Variants in CRTC1 observed in about 807,000 individuals in gnomAD.
CRTC1 encodes the protein CREB regulated transcription coactivator 1.
Under a neutral mutation model 66.1 loss-of-function variants are expected in CRTC1, and 18 were observed. The observed-to-expected ratio is 0.27, with a 90% confidence interval of 0.19 to 0.40. CRTC1 has a LOEUF of 0.40. Among genes scored for constraint, CRTC1 ranks in the 10% least tolerant of loss-of-function variants. CRTC1 has a pLI of 1.00. For synonymous variants in CRTC1, 416 were observed against 398.8 expected (o/e 1.04, Z -0.51); for missense variants, 669 against 887.9 (o/e 0.75, Z 3.13).
At chr19:18,690,894 T>C (rs1012521152) in intron 1 of CRTC1, among the ~76,000 whole-genome samples, 2 of 151,892 alleles carry the variant, frequency 1.3e-5, no homozygotes, top group South Asian at 2.1e-4. Context: ...GGCGTGGTGG[T>C]GAGCGCCTGT....
Position 18,780,158 on chromosome 19 carries a change from A to C in CRTC1, c.*2776A>C. On this transcript the variant is annotated 3_prime_UTR_variant, in exon 14 of 14. Coordinates refer to ENST00000321949, the MANE Select transcript of CRTC1 (RefSeq NM_015321.3). Reference sequence around the variant, plus strand: ...CACGTGGGGAGGTTGCGCCGTGTACATAGACCCGCCGTCTGTGTCCTTGGT... The same window carrying C: ...CACGTGGGGAGGTTGCGCCGTGTACCTAGACCCGCCGTCTGTGTCCTTGGT... 8.6e-6 allele frequency: 2 copies of C among 231,948 alleles called. No individual in the cohort carries two copies. Among genetic ancestry groups the C allele is most frequent in the Non-Finnish European group, 1.7e-5 (2 of 117,274 alleles). 14.4% of individuals were successfully genotyped at this position (231,948 alleles called of 1,614,324 possible).
chr19:18,737,138 G>A (rs977754261), intron 1 of CRTC1, among the ~76,000 whole-genome samples: 1 of 152,070 alleles, frequency 6.6e-6, no homozygotes, highest in South Asian at 2.1e-4. Flanking sequence ...GAGTGTGGAC[G>A]TGGGCACAGA....
rs984265052 is a variant in CRTC1 at position 18,760,778 on chromosome 19, C to A, written c.886+550C>A. 6.6e-6 allele frequency among the ~76,000 whole-genome samples: 1 copy of A among 151,180 alleles called. No individual in the cohort carries two copies. Among genetic ancestry groups the A allele is most frequent in the African/African-American group, 2.5e-5 (1 of 40,536 alleles). Reference sequence around the variant, plus strand: ...TGCTGCCGCCCTGCTCCCCCGGGACCCCCCTCCTGTGGCTGCACTGATTGC... The same window carrying A: ...TGCTGCCGCCCTGCTCCCCCGGGACACCCCTCCTGTGGCTGCACTGATTGC... On this transcript the variant is annotated intron_variant, in intron 8 of 13. Transcript: ENST00000321949. This position sits in a 1 kb window ranked among gnomAD's most constrained non-coding sequence, Gnocchi z 6.2.
chr19:18,768,503 C>G lies in CRTC1; in HGVS notation c.1030C>G (p.Leu344Val). 6.2e-7 allele frequency: 1 copy of G among 1,609,862 alleles called. No homozygotes were observed. The highest frequency in any genetic ancestry group is 8.5e-7 in the Non-Finnish European group (1 of 1,179,316). ...PITQAVAMDALSLEQQLPYAF... is the reference protein window; with the variant it reads ...PITQAVAMDAVSLEQQLPYAF... ...CCTGCAGGCTGTAGCCATGGACGCC[C>G]TGTCTCTGGAGCAGCAGCTGCCCTA... Residue 344 changes from leucine to valine, a missense_variant, in exon 10 of 14, where the codon CTG becomes GTG. Physicochemically the swap from Leu to Val is conservative, Grantham distance 32 (BLOSUM62 1). Transcript: ENST00000321949. This position sits in a 1 kb window ranked among gnomAD's most constrained non-coding sequence, Gnocchi z 5.6.
At chr19:18,744,018 C>A in intron 2 of CRTC1, 1 of 1,414,064 alleles carries the variant, frequency 7.1e-7, no homozygotes, top group Non-Finnish European at 9.9e-7. Flanking sequence ...TCGCCCGAGG[C>A]CCACAGCCCG....
intron 3 of CRTC1, 52 bp downstream of exon 3, chr19:18,746,012 G>A (rs768337921): frequency 1.9e-6 from 3 of 1,555,152 alleles, no homozygotes; most frequent in Non-Finnish European, 2.6e-6. Flanking sequence ...GTCGGTGCCG[G>A]CAGGACCCCA....
At chr19:18,688,074 G>A (rs996677549) in intron 1 of CRTC1, among the ~76,000 whole-genome samples, 4 of 152,108 alleles carry the variant, frequency 2.6e-5, no homozygotes, top group Admixed American at 6.6e-5. Flanking sequence ...GGGGTGCTGG[G>A]GCTCCTGCAG....
intron 1 of CRTC1, among the ~76,000 whole-genome samples, chr19:18,693,882 C>T (rs957626926): frequency 6.6e-6 from 1 of 151,916 alleles, no homozygotes; most frequent in African/African-American, 2.4e-5. Flanking sequence ...ACCTGTCATC[C>T]CAGAGCTTTG....
At chr19:18,733,851 C>T (rs975424800) in intron 1 of CRTC1, among the ~76,000 whole-genome samples, 3 of 152,202 alleles carry the variant, frequency 2.0e-5, no homozygotes, top group African/African-American at 7.2e-5. Context: ...CGCGGTGGCT[C>T]CTGCCTGTAA....
Position 18,777,067 on chromosome 19 carries a change from C to T in CRTC1, c.1694-104C>T. The T allele has an allele frequency of 2.9e-6, 2 of 690,522 alleles. No homozygotes were observed. The allele number at this position is 690,522 out of a possible 1,614,324, so 42.8% of individuals were successfully genotyped here. ...AATGTCCCCAGACATTGCCAGCATA[C>T]CCAGGGGACAGAGTCGCCCGGCGGG... On this transcript the variant is annotated intron_variant, in intron 13 of 13. Transcript: ENST00000321949. This position sits in a 1 kb window ranked among gnomAD's most constrained non-coding sequence, Gnocchi z 5.5.
chr19:18,737,794 C>T (rs1422464232), intron 1 of CRTC1, among the ~76,000 whole-genome samples: 4 of 139,460 alleles, frequency 2.9e-5, no homozygotes, highest in South Asian at 2.3e-4. Flanking sequence ...GCCAGCTCTA[C>T]GTGAAGGACG....
chr19:18,709,817 C>T (rs542448525), intron 1 of CRTC1, among the ~76,000 whole-genome samples: 2 of 152,282 alleles, frequency 1.3e-5, no homozygotes, highest in South Asian at 2.1e-4. Context: ...GCCTGGCGTT[C>T]CCTGCCGTGG....
chr19:18,772,713 C>T (rs1460354132), intron 11 of CRTC1, among the ~76,000 whole-genome samples: 1 of 152,170 alleles, frequency 6.6e-6, no homozygotes, highest in Non-Finnish European at 1.5e-5. Context: ...TGCCTGTAGC[C>T]CCGTGTTCTG....
At chr19:18,706,881 G>T (rs886520634) in intron 1 of CRTC1, among the ~76,000 whole-genome samples, 1 of 151,980 alleles carries the variant, frequency 6.6e-6, no homozygotes, top group African/African-American at 2.4e-5. Context: ...AAATTGGGTT[G>T]TTTTTCTTTT....
rs187840759 is a variant in CRTC1 at position 18,737,561 on chromosome 19, G to A, written c.127-5349G>A. ...ACCCTCAAAAGCCCTGTAGAGGGGT[G>A]AATCATGTCCCACAAAAAGATACGT... On this transcript the variant is annotated intron_variant, in intron 1 of 13. Transcript: ENST00000321949. Among the ~76,000 whole-genome samples the A allele has an allele frequency of 6.6e-5, 10 of 152,278 alleles. No homozygotes were observed. The East Asian group carries it at 1.9e-3, about 29-fold the overall frequency.
intron 1 of CRTC1, among the ~76,000 whole-genome samples, chr19:18,708,811 C>T (rs539112504): frequency 2.0e-5 from 3 of 152,304 alleles, no homozygotes; most frequent in African/African-American, 7.2e-5. Context: ...CCCAGCTGAG[C>T]GGTGCCCAGA....
intron 1 of CRTC1, among the ~76,000 whole-genome samples, chr19:18,724,188 G>A (rs1011190419): frequency 1.3e-5 from 2 of 152,280 alleles, no homozygotes; most frequent in African/African-American, 4.8e-5. Flanking sequence ...TCTGCAGATG[G>A]TGAGGCCCCA....
At position 18,768,204 on chromosome 19, in the gene CRTC1, T is replaced by C. The variant is rs1439484771; in HGVS notation, c.1012-281T>C. ...CATCCTGGGCTTGCCCTGCAGCTGG[T>C]GGACTGGCCTGAGCTGCACGGCATG... is the stretch of plus-strand genomic sequence containing the variant. On this transcript the variant is annotated intron_variant, in intron 9 of 13. Coordinates refer to ENST00000321949, the MANE Select transcript of CRTC1 (RefSeq NM_015321.3). The surrounding 1 kb of genome is among the most constrained non-coding windows in gnomAD (Gnocchi z 5.6). Among the ~76,000 whole-genome samples the C allele has an allele frequency of 6.6e-6, 1 of 152,158 alleles. No individual in the cohort carries two copies. The highest frequency in any genetic ancestry group is 6.5e-5 in the Admixed American group (1 of 15,284).
Position 18,720,224 on chromosome 19 carries a change from C to T in CRTC1, c.127-22686C>T, listed in dbSNP as rs189979449. 1.6e-3 allele frequency among the ~76,000 whole-genome samples: 239 copies of T among 152,254 alleles called. 2 individuals are homozygous for T. The highest frequency in any genetic ancestry group is 4.9e-3 in the African/African-American group (202 of 41,528). On this transcript the variant is annotated intron_variant, in intron 1 of 13. Transcript: ENST00000321949. ...TGTCTCCCAGGCTGAAGTGTAGTGACGCGATCTCGTGTCACTGCAACCTCT... is the reference window on the plus strand; with the variant it reads ...TGTCTCCCAGGCTGAAGTGTAGTGATGCGATCTCGTGTCACTGCAACCTCT...
Sources: allele counts gnomAD v4.1 joint callset (sites outside exome capture counted in the v4.1 genomes callset), GRCh38; gene constraint gnomAD v4.1.1; non-coding constraint Gnocchi (gnomAD v3.1); transcripts MANE v1.5; gene names NCBI Gene and HGNC (gene_info 2026-07-23, HGNC 2026-07-21).